The following FSTL4 variants were observed in gnomAD, a reference collection of about 807,000 sequenced individuals.
The protein encoded by FSTL4 is follistatin like 4.
Under a neutral mutation model 78.2 loss-of-function variants are expected in FSTL4, and 28 were observed. That is an observed-to-expected ratio of 0.36 (90% CI 0.27 to 0.49). The LOEUF (loss-of-function observed/expected upper bound fraction) is 0.49, where lower values mean the gene tolerates loss of function less well. Ranked by LOEUF, FSTL4 falls within the 20% of genes least tolerant of loss-of-function variation. FSTL4 has a pLI of 0.98. For missense variants in FSTL4, 922 were observed against 1,084.9 expected (o/e 0.85, Z 2.11); for synonymous variants, 422 against 440.5 (o/e 0.96, Z 0.53).
chr5:133,516,632 A>T (rs1758856245), intron 3 of FSTL4, among the ~76,000 whole-genome samples: 1 of 152,204 alleles, frequency 6.6e-6, no homozygotes, highest in Non-Finnish European at 1.5e-5. Flanking sequence ...TTCTTTTGGG[A>T]ACATAACAAA....
chr5:133,224,051 CTTGAAT>C, intron 11 of FSTL4, 133 bp downstream of exon 11: 1 of 612,580 alleles, frequency 1.6e-6, no homozygotes. Context: ...GCATATGCCA[CTTGAAT>C]TTGACATTGA....
At chr5:133,566,161 C>T (rs941172348) in intron 3 of FSTL4, among the ~76,000 whole-genome samples, 14 of 152,112 alleles carry the variant, frequency 9.2e-5, no homozygotes, top group African/African-American at 3.1e-4. Flanking sequence ...ATCCTATGAC[C>T]CTAGGGATCC....
intron 3 of FSTL4, among the ~76,000 whole-genome samples, chr5:133,414,726 C>T (rs371338193): frequency 7.2e-5 from 11 of 152,140 alleles, no homozygotes; most frequent in Non-Finnish European, 7.3e-5. Flanking sequence ...AGAAACACTT[C>T]GAGGTAAATA....
chr5:133,719,800 G>A, the FSTL4 span, among the ~76,000 whole-genome samples: 9 of 151,520 alleles, frequency 5.9e-5, no homozygotes, highest in African/African-American at 1.9e-4. Context: ...CCAATTTTCA[G>A]TTATTTTTAT....
chr5:133,471,775 T>C (rs1438557573), intron 3 of FSTL4, among the ~76,000 whole-genome samples: 2 of 152,178 alleles, frequency 1.3e-5, no homozygotes, highest in Non-Finnish European at 2.9e-5. Flanking sequence ...AGTCTAGCAT[T>C]GGACTTTTTA....
rs373828277 is a variant in FSTL4 at position 133,198,020 on chromosome 5, G to C, written c.*1075C>G. 2.0e-4 allele frequency: 30 copies of C among 152,932 alleles called. No homozygotes were observed. The highest frequency in any genetic ancestry group is 7.2e-4 in the African/African-American group (30 of 41,560). 9.5% of individuals were successfully genotyped at this position (152,932 alleles called of 1,614,324 possible). A position where few individuals can be genotyped will look rare whatever the true frequency, so the allele number is the denominator to read the frequency against. ...GTGCTGATGCGGGGATGGGGTACCA[G>C]AGAGGAGTGGATGGGCCACAGGTAG... On this transcript the variant is annotated 3_prime_UTR_variant, in exon 16 of 16. Transcript: ENST00000265342.
At chr5:133,757,621 G>A in the FSTL4 span, among the ~76,000 whole-genome samples, 6 of 152,152 alleles carry the variant, frequency 3.9e-5, no homozygotes, top group Non-Finnish European at 8.8e-5. Flanking sequence ...GGAGCACTCG[G>A]CATGGTGGGG....
intron 4 of FSTL4, among the ~76,000 whole-genome samples, chr5:133,359,264 G>A (rs1018925857): frequency 8.5e-5 from 13 of 152,184 alleles, no homozygotes; most frequent in Admixed American, 6.5e-5. Context: ...TGGCAGTAGA[G>A]AAGCTGCGTC....
the FSTL4 span, among the ~76,000 whole-genome samples, chr5:133,683,149 C>T: frequency 2.0e-5 from 3 of 152,086 alleles, no homozygotes; most frequent in Admixed American, 6.5e-5. Context: ...AGGTGCAGAT[C>T]GGCAAGGTTT....
At chr5:133,826,472 C>G in the FSTL4 span, among the ~76,000 whole-genome samples, 1 of 152,202 alleles carries the variant, frequency 6.6e-6, no homozygotes, top group Non-Finnish European at 1.5e-5. Context: ...AAGGGAGAAG[C>G]TGCCTTTGCC....
chr5:133,774,963 T>C, the FSTL4 span, among the ~76,000 whole-genome samples: 2 of 149,914 alleles, frequency 1.3e-5, no homozygotes, highest in Non-Finnish European at 3.0e-5. Flanking sequence ...AATGTATAGG[T>C]ATATTTCTTC....
At chr5:133,472,336 G>C (rs565476475) in intron 3 of FSTL4, among the ~76,000 whole-genome samples, 12 of 152,270 alleles carry the variant, frequency 7.9e-5, no homozygotes, top group African/African-American at 2.6e-4. Flanking sequence ...TAACATAAGG[G>C]TGTACCCCAG....
At chr5:133,635,185 A>T in the FSTL4 span, among the ~76,000 whole-genome samples, 2 of 152,140 alleles carry the variant, frequency 1.3e-5, no homozygotes, top group African/African-American at 4.8e-5. Flanking sequence ...TTAGGAAGAG[A>T]GGATACATTG....
At chr5:133,477,794 T>C (rs1757953815) in intron 3 of FSTL4, among the ~76,000 whole-genome samples, 1 of 152,246 alleles carries the variant, frequency 6.6e-6, no homozygotes, top group Non-Finnish European at 1.5e-5. Flanking sequence ...AATGTTTTTT[T>C]TTCTTTTCCT....
chr5:133,601,553 G>A (rs562320744), intron 2 of FSTL4, among the ~76,000 whole-genome samples: 22 of 152,202 alleles, frequency 1.4e-4, no homozygotes, highest in Non-Finnish European at 2.6e-4. Flanking sequence ...CGAGGCCCCT[G>A]GTGGGCAGGG....
the FSTL4 span, among the ~76,000 whole-genome samples, chr5:133,689,510 A>G: frequency 6.6e-6 from 1 of 152,298 alleles, no homozygotes; most frequent in East Asian, 1.9e-4. Context: ...ATGTGTGAGA[A>G]AGATTATTTA....
the FSTL4 span, among the ~76,000 whole-genome samples, chr5:133,699,984 T>C: frequency 6.6e-6 from 1 of 152,026 alleles, no homozygotes; most frequent in Admixed American, 6.6e-5. Flanking sequence ...GGCTCGGTTG[T>C]ACCAGACTCA....
At chr5:133,831,882 C>T in the FSTL4 span, among the ~76,000 whole-genome samples, 5 of 152,134 alleles carry the variant, frequency 3.3e-5, no homozygotes, top group Non-Finnish European at 5.9e-5. Context: ...CTGGCTCTCT[C>T]GGGTCCCTGT....
chr5:133,402,604 GA>G (rs945456309), intron 3 of FSTL4, among the ~76,000 whole-genome samples: 5 of 150,866 alleles, frequency 3.3e-5, no homozygotes, highest in African/African-American at 1.2e-4. Context: ...AAAAAAAAAA[GA>G]AAAAAATATA....
Sources: gnomAD v4.1 joint callset for allele counts (sites outside exome capture counted in the v4.1 genomes callset) on GRCh38, gnomAD v4.1.1 for gene constraint, MANE v1.5 for transcripts, NCBI Gene and HGNC (gene_info 2026-07-23, HGNC 2026-07-21) for gene names.